Variants in SLC25A26 observed in about 807,000 individuals in gnomAD.
SLC25A26 encodes the protein mitochondrial S-adenosylmethionine carrier protein.
In SLC25A26, 36 loss-of-function variants were observed where a neutral mutation model predicts 37.8. The ratio of observed to expected loss-of-function variants is 0.95; its 90% CI spans 0.73 to 1.26. The LOEUF is 1.26. Among genes scored for constraint, SLC25A26 ranks in the 50% most tolerant of loss-of-function variants. SLC25A26 has a pLI of 0.00. For synonymous variants in SLC25A26, 129 were observed against 122.5 expected (o/e 1.05, Z -0.35); for missense variants, 390 against 331.1 (o/e 1.18, Z -1.38).
intron 1 of SLC25A26, among the ~76,000 whole-genome samples, chr3:66,170,269 G>A (rs778143559): frequency 1.3e-5 from 2 of 152,100 alleles, no homozygotes; most frequent in African/African-American, 2.4e-5. Context: ...AACTGTGCAC[G>A]GCTTTACACC....
At chr3:66,309,450 A>G (rs1031930752) in intron 5 of SLC25A26, among the ~76,000 whole-genome samples, 4 of 151,298 alleles carry the variant, frequency 2.6e-5, no homozygotes, top group African/African-American at 9.8e-5. Context: ...TCAAAAAACC[A>G]GCTCCTGGAT....
chr3:66,220,065 G>A (rs1046558438), upstream of SLC25A26, among the ~76,000 whole-genome samples: 2 of 152,120 alleles, frequency 1.3e-5, no homozygotes, highest in Non-Finnish European at 2.9e-5. Context: ...TTGAAGAAAG[G>A]CCAGGCAAGG....
At chr3:66,243,454 T>C (rs2072682048) in intron 3 of SLC25A26, 142 bp downstream of exon 3, 3 of 518,954 alleles carry the variant, frequency 5.8e-6, no homozygotes, top group Non-Finnish European at 6.8e-6. Flanking sequence ...GGATTAAATA[T>C]GACAGTTCGA....
At chr3:66,341,176 T>A (rs2076201547) in intron 5 of SLC25A26, among the ~76,000 whole-genome samples, 1 of 152,138 alleles carries the variant, frequency 6.6e-6, no homozygotes, top group Non-Finnish European at 1.5e-5. Flanking sequence ...GGGGAAAGCA[T>A]TCAGTCTGTC....
chr3:66,332,688 A>T (rs1226061571), intron 5 of SLC25A26, among the ~76,000 whole-genome samples: 1 of 152,182 alleles, frequency 6.6e-6, no homozygotes, highest in African/African-American at 2.4e-5. Flanking sequence ...CTAGGATTAC[A>T]GGCATGAGCC....
intron 7 of SLC25A26, among the ~76,000 whole-genome samples, chr3:66,365,650 G>A (rs771950381): frequency 2.0e-5 from 3 of 152,166 alleles, no homozygotes; most frequent in Non-Finnish European, 4.4e-5. Context: ...CATTGATTGC[G>A]ATCTCTCCAT....
chr3:66,221,645 G>A (rs140768305), intron 1 of SLC25A26, among the ~76,000 whole-genome samples: 133,149 of 151,758 alleles, frequency 0.88, 58,547 homozygotes, highest in Middle Eastern at 0.95. Context: ...AGAAATATTG[G>A]TGAGCACACA....
chr3:66,160,425 T>C (rs2070341585), intron 1 of SLC25A26, among the ~76,000 whole-genome samples: 1 of 152,164 alleles, frequency 6.6e-6, no homozygotes, highest in Non-Finnish European at 1.5e-5. Flanking sequence ...CAAAACACTG[T>C]CAAGATGACT....
intron 1 of SLC25A26, among the ~76,000 whole-genome samples, chr3:66,144,478 T>C (rs1330488907): frequency 6.6e-6 from 1 of 152,210 alleles, no homozygotes; most frequent in Non-Finnish European, 1.5e-5. Flanking sequence ...TTTTGCCCAC[T>C]GGGTACAATT....
rs957514362 is a variant in SLC25A26, at chr3:66,305,322, G to A, written c.454-41042G>A. On this transcript the variant is annotated intron_variant, in intron 5 of 9. Coordinates refer to ENST00000354883, the MANE Select transcript of SLC25A26 (RefSeq NM_001379210.1). ...GGGTCTGCTATTTTTCTTCTAAGGT[G>A]TTTCTCTAAGAGTAACATTATGTAA... is the stretch of plus-strand genomic sequence containing the variant. Among the ~76,000 whole-genome samples, 7 of 152,228 alleles carry A rather than the reference G, an allele frequency of 4.6e-5. No homozygotes were observed. The East Asian group carries it at 7.7e-4, about 17-fold the overall frequency.
chr3:66,155,853 T>G (rs2070275397), intron 1 of SLC25A26, among the ~76,000 whole-genome samples: 2 of 152,192 alleles, frequency 1.3e-5, no homozygotes, highest in Non-Finnish European at 2.9e-5. Context: ...TTTATTCTTC[T>G]CTTCAGTTGC....
intron 5 of SLC25A26, among the ~76,000 whole-genome samples, chr3:66,339,322 C>T (rs1246097659): frequency 6.6e-6 from 1 of 151,970 alleles, no homozygotes; most frequent in Non-Finnish European, 1.5e-5. Flanking sequence ...AAACGCAAGT[C>T]CTTTGTTAAA....
At position 66,255,149 on chromosome 3, in the gene SLC25A26, T is replaced by C. The variant is rs371073907; in HGVS notation, c.301-6902T>C. On this transcript the variant is annotated intron_variant, in intron 3 of 9. Coordinates refer to ENST00000354883, the MANE Select transcript of SLC25A26 (RefSeq NM_001379210.1). ...ATTTGTAGTCTTGCATCTTGGGTTT[T>C]TGTTTTTGTTTAAAGAGACAGGATC... 1.1e-4 allele frequency among the ~76,000 whole-genome samples: 16 copies of C among 152,350 alleles called. No homozygotes were observed. In the East Asian group the frequency reaches 1.9e-3, roughly 18 times the overall value.
At chr3:66,145,652 A>G (rs1000638464) in intron 1 of SLC25A26, among the ~76,000 whole-genome samples, 1 of 152,228 alleles carries the variant, frequency 6.6e-6, no homozygotes, top group Non-Finnish European at 1.5e-5. Context: ...AGTGCCTAGG[A>G]AAAATTTTGT....
intron 5 of SLC25A26, among the ~76,000 whole-genome samples, chr3:66,317,373 A>G (rs1159181608): frequency 6.6e-6 from 1 of 152,024 alleles, no homozygotes; most frequent in African/African-American, 2.4e-5. Flanking sequence ...CTGTAGGACT[A>G]CTGCAGTGTG....
intron 1 of SLC25A26, among the ~76,000 whole-genome samples, chr3:66,198,823 C>T (rs1480648140): frequency 6.6e-6 from 1 of 152,018 alleles, no homozygotes; most frequent in Non-Finnish European, 1.5e-5. Context: ...TTGACCCTGA[C>T]CCTTACCTTG....
At chr3:66,218,776 G>A (rs1049100862), upstream of SLC25A26, among the ~76,000 whole-genome samples, 1 of 152,196 alleles carries the variant, frequency 6.6e-6, no homozygotes, top group Non-Finnish European at 1.5e-5. Flanking sequence ...ATGGAGAGAT[G>A]TATGCCATGA....
At chr3:66,320,850 A>G (rs2107641273) in intron 5 of SLC25A26, among the ~76,000 whole-genome samples, 1 of 152,320 alleles carries the variant, frequency 6.6e-6, no homozygotes, top group South Asian at 2.1e-4. Context: ...AAATATTTAA[A>G]CTTTGGTTAA....
intron 1 of SLC25A26, among the ~76,000 whole-genome samples, chr3:66,222,268 C>T (rs1576652089): frequency 6.6e-6 from 1 of 151,798 alleles, no homozygotes; most frequent in Admixed American, 6.6e-5. Flanking sequence ...GCAGGCTCCA[C>T]CTCTCGGGTT....
Sources: allele counts gnomAD v4.1 joint callset (sites outside exome capture counted in the v4.1 genomes callset), GRCh38; gene constraint gnomAD v4.1.1; transcripts MANE v1.5; gene names NCBI Gene and HGNC (gene_info 2026-07-23, HGNC 2026-07-21).